ANKRD36C: variants seen among roughly 807,000 people sequenced by gnomAD.
The protein encoded by ANKRD36C is ankyrin repeat domain-containing protein 36C.
ANKRD36C carries 61 observed loss-of-function variants against 276.4 expected under a neutral mutation model. That is an observed-to-expected ratio of 0.22 (90% CI 0.18 to 0.27). ANKRD36C has a LOEUF of 0.27. ANKRD36C is among the 10% of genes least tolerant of loss of function. The pLI, the probability that ANKRD36C is intolerant of heterozygous loss-of-function variation, is 1.00. For missense variants in ANKRD36C, 1,447 were observed against 2,032.3 expected (o/e 0.71, Z 5.54); for synonymous variants, 483 against 680.1 (o/e 0.71, Z 4.51).
At chr2:95,954,541 T>C (rs1216682392) in intron 13 of ANKRD36C, among the ~76,000 whole-genome samples, 6 of 152,186 alleles carry the variant, frequency 3.9e-5, no homozygotes, top group Non-Finnish European at 8.8e-5. Flanking sequence ...TTGATTCTTT[T>C]CACCCTAGAA....
chr2:95,848,934 C>T (rs1369004235), downstream of ANKRD36C: 1 of 393,912 alleles, frequency 2.5e-6, no homozygotes, highest in African/African-American at 2.2e-5. Context: ...ATAAAAGATA[C>T]AAAAATATTT....
chr2:95,981,377 A>T (rs1488867351), intron 4 of ANKRD36C, among the ~76,000 whole-genome samples: 1 of 148,192 alleles, frequency 6.7e-6, no homozygotes, highest in Non-Finnish European at 1.5e-5. Context: ...TATAATCTAT[A>T]AAATATATAA....
chr2:95,910,272 A>T (rs1441643806), intron 42 of ANKRD36C, 101 bp downstream of exon 46: 3 of 1,300,962 alleles, frequency 2.3e-6, no homozygotes, highest in Non-Finnish European at 3.1e-6. Context: ...CTGCTGAATC[A>T]GAAAGTGCAG....
At chr2:95,931,839 T>C (rs1677579620) in intron 24 of ANKRD36C, among the ~76,000 whole-genome samples, 1 of 115,466 alleles carries the variant, frequency 8.7e-6, no homozygotes, top group African/African-American at 2.8e-5. Context: ...GAGAAAAAAA[T>C]ACACACACAT....
At chr2:95,948,810 C>G (rs185011007) in intron 16 of ANKRD36C, among the ~76,000 whole-genome samples, 3 of 152,080 alleles carry the variant, frequency 2.0e-5, no homozygotes, top group Non-Finnish European at 4.4e-5. Flanking sequence ...TCTGCTGCCA[C>G]TTCTCCCAAC....
intron 6 of ANKRD36C, among the ~76,000 whole-genome samples, chr2:95,967,052 G>C (rs527432860): frequency 1.6e-4 from 24 of 152,108 alleles, no homozygotes; most frequent in Non-Finnish European, 3.4e-4. Flanking sequence ...AGGAGATTTG[G>C]GGCTGAGACA....
chr2:95,930,591 CAA>C (rs1677538535), intron 24 of ANKRD36C, among the ~76,000 whole-genome samples: 2 of 151,010 alleles, frequency 1.3e-5, no homozygotes, highest in African/African-American at 4.9e-5. Context: ...ATAAACTAAA[CAA>C]AGTTTCTAAA....
intron 6 of ANKRD36C, 79 bp from the exon 7 acceptor site, chr2:95,962,626 C>T: frequency 6.5e-7 from 1 of 1,540,212 alleles, no homozygotes; most frequent in East Asian, 2.3e-5. Context: ...CTGTTACCAT[C>T]AAGCTGTATC....
chr2:95,956,643 C>T, intron 13 of ANKRD36C, 143 bp downstream of exon 13: 3 of 902,902 alleles, frequency 3.3e-6, no homozygotes, highest in Admixed American at 3.1e-5. Context: ...GTTTGTAAAG[C>T]TGTGTGGAGA....
At chr2:95,861,587 T>C (rs1675584152) in intron 60 of ANKRD36C, among the ~76,000 whole-genome samples, 1 of 151,002 alleles carries the variant, frequency 6.6e-6, no homozygotes, top group South Asian at 2.1e-4. Flanking sequence ...AACACTAAGA[T>C]AGCAAAACAG....
In ANKRD36C at chr2:95,978,853, G is replaced by A. The variant is rs547413436; in HGVS notation, c.732-664C>T. 4.2e-3 allele frequency among the ~76,000 whole-genome samples: 643 copies of A among 151,824 alleles called. 3 individuals carry two copies. Among genetic ancestry groups the A allele is most frequent in the Middle Eastern group, 6.8e-3 (2 of 294 alleles). On this transcript the variant is annotated intron_variant, in intron 5 of 66. Transcript: ENST00000456556. ...ATTATTTCATTAAAATAGGTAACAC[G>A]ATTGTTAACTATTATTGAGCTCATC...
chr2:95,915,474 C>A (rs1395082752), intron 38 of ANKRD36C, among the ~76,000 whole-genome samples: 6 of 151,408 alleles, frequency 4.0e-5, no homozygotes, highest in Non-Finnish European at 7.4e-5. Context: ...AGCAGTAACC[C>A]CAAAATTATA....
At position 95,919,777 on chromosome 2, in the gene ANKRD36C, A is replaced by G. The variant is rs150256107; in HGVS notation, c.2246-1735T>C. 486 of 1,391,908 alleles carry G rather than the reference A, an allele frequency of 3.5e-4. 110 individuals are homozygous for G. The highest frequency in any genetic ancestry group is 7.9e-4 in the Middle Eastern group (4 of 5,052). 86.2% of individuals were successfully genotyped at this position (1,391,908 alleles called of 1,614,324 possible). Reference sequence around the variant, plus strand: ...ATCCTTTATTTCTGTGGCTATATTCAAAACAGAATCTTCCTCGTCAGTTGT... The same window carrying G: ...ATCCTTTATTTCTGTGGCTATATTCGAAACAGAATCTTCCTCGTCAGTTGT... On this transcript the variant is annotated intron_variant, in intron 34 of 66. Transcript: ENST00000456556.
intron 22 of ANKRD36C, among the ~76,000 whole-genome samples, chr2:95,937,688 T>A (rs1283049826): frequency 6.6e-6 from 1 of 152,404 alleles, no homozygotes; most frequent in African/African-American, 2.4e-5. Context: ...CTTTCCAATG[T>A]CATTCTCTGA....
At chr2:95,963,645 C>T (rs1029268529) in intron 6 of ANKRD36C, among the ~76,000 whole-genome samples, 7 of 121,952 alleles carry the variant, frequency 5.7e-5, no homozygotes, top group African/African-American at 2.2e-4. Flanking sequence ...TCTGGAGCAG[C>T]CAAAATCAAA....
intron 22 of ANKRD36C, among the ~76,000 whole-genome samples, chr2:95,938,568 C>T (rs1677782502): frequency 6.6e-6 from 1 of 152,124 alleles, no homozygotes; most frequent in Admixed American, 6.5e-5. Flanking sequence ...AAATCCCTAA[C>T]ATGCAAAGGA....
At chr2:95,919,458 C>G (rs1677205505) in intron 34 of ANKRD36C, among the ~76,000 whole-genome samples, 1 of 133,396 alleles carries the variant, frequency 7.5e-6, no homozygotes, top group Non-Finnish European at 1.7e-5. Flanking sequence ...CTATGCTGTT[C>G]CCCAGAACCC....
intron 1 of ANKRD36C, among the ~76,000 whole-genome samples, 183 bp downstream of exon 1, chr2:95,991,329 C>T (rs1203595663): frequency 1.0e-5 from 1 of 96,828 alleles, no homozygotes; most frequent in African/African-American, 4.4e-5. Flanking sequence ...CACACCCCGC[C>T]ACCCCATATA....
intron 52 of ANKRD36C, among the ~76,000 whole-genome samples, chr2:95,885,783 G>C (rs988326026): frequency 6.6e-6 from 1 of 151,700 alleles, no homozygotes; most frequent in African/African-American, 2.4e-5. Flanking sequence ...AAATGATGCT[G>C]TCCCCTGAGG....
Sources: allele counts gnomAD v4.1 joint callset (sites outside exome capture counted in the v4.1 genomes callset), GRCh38; gene constraint gnomAD v4.1.1; transcripts MANE v1.5; gene names NCBI Gene and HGNC (gene_info 2026-07-23, HGNC 2026-07-21).